SEMA3A: variants seen among roughly 807,000 people sequenced by gnomAD.
SEMA3A encodes semaphorin 3A.
SEMA3A carries 29 observed loss-of-function variants against 97.9 expected under a neutral mutation model. That is an observed-to-expected ratio of 0.30 (90% CI 0.22 to 0.40). The LOEUF is 0.40. SEMA3A is among the 10% of genes least tolerant of loss of function. SEMA3A has a pLI of 1.00. For synonymous variants in SEMA3A, 321 were observed against 323.7 expected, an observed-to-expected ratio of 0.99 and a Z score of 0.09; for missense variants, 763 against 951.3, an observed-to-expected ratio of 0.80 and a Z score of 2.60.
intron 3 of SEMA3A, among the ~76,000 whole-genome samples, chr7:84,219,186 CTTAA>C (rs367716789): frequency 5.9e-5 from 9 of 152,210 alleles, no homozygotes; most frequent in African/African-American, 9.6e-5. Context: ...ACTAAAGATA[CTTAA>C]TTATTTATTC....
intron 1 of SEMA3A, among the ~76,000 whole-genome samples, chr7:84,471,557 A>G (rs1333332867): frequency 6.6e-6 from 1 of 152,104 alleles, no homozygotes. Context: ...TGATGTTAAA[A>G]AAGCAAACCT....
At chr7:84,193,612 C>T (rs1798118091) in intron 1 of SEMA3A, among the ~76,000 whole-genome samples, 1 of 151,990 alleles carries the variant, frequency 6.6e-6, no homozygotes, top group Non-Finnish European at 1.5e-5. Context: ...TTGGGCTCTA[C>T]TTTAGCATTA....
chr7:84,185,530 A>G (rs1797851505), intron 1 of SEMA3A, among the ~76,000 whole-genome samples: 3 of 151,608 alleles, frequency 2.0e-5, no homozygotes. Context: ...AAAAAATAAA[A>G]AAAATAAAAA....
intron 2 of SEMA3A, among the ~76,000 whole-genome samples, chr7:84,331,725 A>G (rs985310519): frequency 6.6e-5 from 10 of 152,054 alleles, no homozygotes; most frequent in Admixed American, 1.3e-4. Flanking sequence ...AAAATAACAC[A>G]TTTTAGACCT....
intron 2 of SEMA3A, among the ~76,000 whole-genome samples, chr7:84,369,134 A>T (rs1050369279): frequency 6.6e-6 from 1 of 151,104 alleles, no homozygotes; most frequent in African/African-American, 2.4e-5. Context: ...AAAATACACA[A>T]ATCTATATCT....
chr7:84,144,528 A>G (rs1367789317), intron 1 of SEMA3A, among the ~76,000 whole-genome samples: 1 of 152,180 alleles, frequency 6.6e-6, no homozygotes, highest in Non-Finnish European at 1.5e-5. Context: ...GTAATAATTA[A>G]TAGAACTTAT....
intron 2 of SEMA3A, among the ~76,000 whole-genome samples, chr7:84,349,581 C>CA (rs1201526056): frequency 6.6e-6 from 1 of 152,164 alleles, no homozygotes; most frequent in Non-Finnish European, 1.5e-5. Context: ...GAGGAAGACA[C>CA]TGGCTGCATA....
intron 3 of SEMA3A, among the ~76,000 whole-genome samples, chr7:84,255,006 G>A (rs1372574745): frequency 6.6e-6 from 1 of 152,048 alleles, no homozygotes; most frequent in Admixed American, 6.6e-5. Context: ...TTGACTGCTG[G>A]GGAAAAGGTT....
intron 4 of SEMA3A, among the ~76,000 whole-genome samples, chr7:84,106,311 T>C (rs900335174): frequency 6.6e-6 from 1 of 152,164 alleles, no homozygotes; most frequent in South Asian, 2.1e-4. Flanking sequence ...GATGAACAAA[T>C]ACTTATTATT....
At chr7:84,075,150 T>G (rs1032315342) in intron 4 of SEMA3A, among the ~76,000 whole-genome samples, 5 of 151,976 alleles carry the variant, frequency 3.3e-5, no homozygotes, top group Non-Finnish European at 5.9e-5. Context: ...GTAGAAATGC[T>G]TTGCCTCTGC....
chr7:84,460,817 G>A (rs1354991337), intron 1 of SEMA3A, among the ~76,000 whole-genome samples: 1 of 152,162 alleles, frequency 6.6e-6, no homozygotes, highest in Admixed American at 6.5e-5. Flanking sequence ...CAAGTCGAAG[G>A]AGCCAGGGCT....
At chr7:84,273,704 A>AAT in intron 3 of SEMA3A, among the ~76,000 whole-genome samples, 1 of 152,160 alleles carries the variant, frequency 6.6e-6, no homozygotes. Flanking sequence ...TCTGTAGTTT[A>AAT]ATATATATAC....
At chr7:84,421,301 G>T (rs1221672873) in intron 1 of SEMA3A, among the ~76,000 whole-genome samples, 1 of 151,948 alleles carries the variant, frequency 6.6e-6, no homozygotes, top group African/African-American at 2.4e-5. Flanking sequence ...AAATCAAGGA[G>T]AAATTAAGAC....
At chr7:84,063,527 T>A (rs1163018817) in intron 4 of SEMA3A, among the ~76,000 whole-genome samples, 1 of 149,168 alleles carries the variant, frequency 6.7e-6, no homozygotes, top group Non-Finnish European at 1.5e-5. Flanking sequence ...TTGAAAAAAA[T>A]TTAGAAGAAT....
At chr7:84,105,241 T>TA (rs1295192631) in intron 4 of SEMA3A, among the ~76,000 whole-genome samples, 3 of 152,150 alleles carry the variant, frequency 2.0e-5, no homozygotes, top group Non-Finnish European at 4.4e-5. Context: ...AATAGTATAA[T>TA]AAATTGAAAG....
At chr7:84,202,185 T>C (rs1798373282) in intron 3 of SEMA3A, among the ~76,000 whole-genome samples, 1 of 152,160 alleles carries the variant, frequency 6.6e-6, no homozygotes, top group East Asian at 1.9e-4. Flanking sequence ...GTTTGCAATA[T>C]ATTGAATTCT....
At chr7:84,465,444 T>C (rs1282186094) in intron 1 of SEMA3A, among the ~76,000 whole-genome samples, 3 of 152,148 alleles carry the variant, frequency 2.0e-5, no homozygotes, top group Admixed American at 1.3e-4. Flanking sequence ...AGATCTATTA[T>C]TGACTTTCTT....
chr7:84,379,073 G>A (rs543786293), intron 1 of SEMA3A, among the ~76,000 whole-genome samples: 109 of 151,796 alleles, frequency 7.2e-4, no homozygotes, highest in African/African-American at 2.5e-3. Context: ...GACTACAGGC[G>A]CCCGCCACCA....
At chr7:84,341,817 C>A (rs141503783) in intron 2 of SEMA3A, among the ~76,000 whole-genome samples, 1 of 152,236 alleles carries the variant, frequency 6.6e-6, no homozygotes, top group African/African-American at 2.4e-5. Flanking sequence ...GATGTTCCAC[C>A]TTTCAGACTT....
Sources: gnomAD v4.1 joint callset for allele counts (sites outside exome capture counted in the v4.1 genomes callset) on GRCh38, gnomAD v4.1.1 for gene constraint, MANE v1.5 for transcripts, NCBI Gene and HGNC (gene_info 2026-07-23, HGNC 2026-07-21) for gene names.